The following ZNF569 variants were observed in gnomAD, a reference collection of about 807,000 sequenced individuals.
ZNF569 encodes the protein zinc finger protein 569, also known as DNA-binding protein.
A neutral mutation model predicts 56.3 loss-of-function variants in ZNF569; 38 were observed. The ratio of observed to expected loss-of-function variants is 0.68; its 90% confidence interval spans 0.52 to 0.88. The LOEUF (loss-of-function observed/expected upper bound fraction) is 0.88. ZNF569 is among the 40% of genes least tolerant of loss of function. The pLI is 0.00. For missense variants in ZNF569, 666 were observed against 809.2 expected (o/e 0.82, Z 2.15); for synonymous variants, 241 against 262.9 (o/e 0.92, Z 0.81).
intron 2 of ZNF569, among the ~76,000 whole-genome samples, chr19:37,448,035 A>AG (rs1379310995): frequency 1.3e-5 from 2 of 152,290 alleles, no homozygotes; most frequent in East Asian, 3.9e-4. Context: ...GAGGAATACT[A>AG]GTCTGTAGTT....
chr19:37,426,111 C>T, intron 4 of ZNF569, 141 bp downstream of exon 4: 1 of 1,273,970 alleles, frequency 7.8e-7, no homozygotes, highest in South Asian at 1.4e-5. Context: ...AAAACTGCAG[C>T]ATGGACATTC....
chr19:37,430,789 GTCGTGAATTGCTGA>G (rs1433016978), intron 3 of ZNF569, among the ~76,000 whole-genome samples: 1 of 152,248 alleles, frequency 6.6e-6, no homozygotes, highest in African/African-American at 2.4e-5. Context: ...AGGAAAGACA[GTCGTGAATTGCTGA>G]TCGTGAATTG....
At chr19:37,435,789 G>A (rs180963287) in intron 3 of ZNF569, among the ~76,000 whole-genome samples, 2 of 152,314 alleles carry the variant, frequency 1.3e-5, no homozygotes, top group Non-Finnish European at 2.9e-5. Flanking sequence ...AATTCAGCAA[G>A]AGGATATAAT....
intron 5 of ZNF569, among the ~76,000 whole-genome samples, chr19:37,419,543 G>A (rs1428698933): frequency 3.3e-5 from 5 of 152,034 alleles, no homozygotes; most frequent in African/African-American, 1.2e-4. Flanking sequence ...CCAATATGGT[G>A]AAACCCTGTC....
At chr19:37,452,391 A>G (rs934237990) in intron 2 of ZNF569, among the ~76,000 whole-genome samples, 1 of 152,138 alleles carries the variant, frequency 6.6e-6, no homozygotes, top group Admixed American at 6.5e-5. Context: ...ACCTCTATCA[A>G]TGAGTTTCAT....
chr19:37,449,076 C>A (rs574671727), intron 2 of ZNF569, among the ~76,000 whole-genome samples: 2 of 152,188 alleles, frequency 1.3e-5, no homozygotes, highest in Non-Finnish European at 2.9e-5. Flanking sequence ...TGTTTCTTGA[C>A]TCATGGACTA....
At chr19:37,448,517 T>C (rs901018848) in intron 2 of ZNF569, among the ~76,000 whole-genome samples, 4 of 151,618 alleles carry the variant, frequency 2.6e-5, no homozygotes, top group Non-Finnish European at 5.9e-5. Flanking sequence ...TTTTTCTCCA[T>C]TATTTTTGGT....
intron 3 of ZNF569, among the ~76,000 whole-genome samples, chr19:37,441,858 A>G (rs1404932251): frequency 6.6e-6 from 1 of 152,180 alleles, no homozygotes; most frequent in Non-Finnish European, 1.5e-5. Context: ...AATGTCCTGA[A>G]AAAGGAGCTA....
intron 4 of ZNF569, 53 bp from the exon 5 acceptor site, chr19:37,426,016 C>A: frequency 6.3e-7 from 1 of 1,582,808 alleles, no homozygotes; most frequent in South Asian, 1.1e-5. Context: ...AACAAAGAAC[C>A]ACCCAAAAAT....
chr19:37,416,258 C>CAAAAAAAAAAAAAAAAAAAAAAA (rs1255894148), intron 5 of ZNF569, among the ~76,000 whole-genome samples: 1 of 128,996 alleles, frequency 7.8e-6, no homozygotes. Flanking sequence ...AACAAAAAAA[C>CAAAAAAAAAAAAAAAAAAAAAAA]AAAAAAACAA....
intron 5 of ZNF569, among the ~76,000 whole-genome samples, chr19:37,418,583 G>C (rs1017697264): frequency 7.2e-5 from 11 of 152,056 alleles, no homozygotes; most frequent in Middle Eastern, 3.4e-3. Flanking sequence ...ATGTCAAAAA[G>C]CAAGTTCCTA....
At chr19:37,440,602 A>G (rs2041388673) in intron 3 of ZNF569, among the ~76,000 whole-genome samples, 1 of 152,236 alleles carries the variant, frequency 6.6e-6, no homozygotes, top group South Asian at 2.1e-4. Flanking sequence ...ATAAGGTGAA[A>G]TAAGTAAAAA....
Position 37,430,207 on chromosome 19 carries a change from AAG to A in ZNF569, c.16-3831_16-3830del, listed in dbSNP as rs1491045300. ...GAGACCCTATCTCAAAAAAAAAAAA[AAG>A]AATATAGACTCAGAAATGTGAGCTA... On this transcript the variant is annotated intron_variant, in intron 3 of 5. Transcript: ENST00000316950. Among the ~76,000 whole-genome samples the A allele has an allele frequency of 8.8e-5, 13 of 148,362 alleles. No homozygotes were observed. In the Admixed American group the frequency reaches 8.8e-4, roughly 10 times the overall value.
chr19:37,424,180 T>C (rs2041085306), intron 5 of ZNF569, among the ~76,000 whole-genome samples: 1 of 152,108 alleles, frequency 6.6e-6, no homozygotes, highest in South Asian at 2.1e-4. Context: ...CAGTGGGAAG[T>C]ATGACTGTAC....
At chr19:37,460,641 G>C (rs1042280456) in intron 2 of ZNF569, among the ~76,000 whole-genome samples, 1 of 152,048 alleles carries the variant, frequency 6.6e-6, no homozygotes, top group Non-Finnish European at 1.5e-5. Context: ...TGTAGTCCAA[G>C]CTATTTGCAG....
upstream of ZNF569, chr19:37,468,151 A>G: frequency 1.7e-6 from 1 of 571,932 alleles, no homozygotes; most frequent in Non-Finnish European, 3.1e-6. Flanking sequence ...CAGCGGCGCG[A>G]TGTTGGCTCA....
chr19:37,460,624 G>A (rs1054574656), intron 2 of ZNF569, among the ~76,000 whole-genome samples: 2 of 152,002 alleles, frequency 1.3e-5, no homozygotes, highest in African/African-American at 2.4e-5. Context: ...GCGTGGTAGC[G>A]TGCACCTGTA....
At chr19:37,469,140 G>A (rs2041906391), upstream of ZNF569, 1 of 1,110,452 alleles carries the variant, frequency 9.0e-7, no homozygotes. Context: ...CAGGGAATCC[G>A]GACTTTCGGG....
intron 5 of ZNF569, among the ~76,000 whole-genome samples, chr19:37,425,317 A>ATTT (rs1491209595): frequency 7.7e-6 from 1 of 129,224 alleles, no homozygotes; most frequent in Non-Finnish European, 1.6e-5. Context: ...ACACGTGGCT[A>ATTT]ATTTTTTTTT....
Sources: gnomAD v4.1 joint callset for allele counts (sites outside exome capture counted in the v4.1 genomes callset) on GRCh38, gnomAD v4.1.1 for gene constraint, MANE v1.5 for transcripts, NCBI Gene and HGNC (gene_info 2026-07-23, HGNC 2026-07-21) for gene names.